The following COL25A1 variants were observed in gnomAD, a reference collection of about 807,000 sequenced individuals.
COL25A1 encodes collagen alpha-1(XXV) chain.
A neutral mutation model predicts 128.4 loss-of-function variants in COL25A1; 103 were observed. The ratio of observed to expected loss-of-function variants is 0.80; its 90% CI spans 0.68 to 0.94. The LOEUF (loss-of-function observed/expected upper bound fraction) is 0.94. COL25A1 is among the 40% of genes least tolerant of loss of function. The pLI is 0.00. For missense variants in COL25A1, 745 were observed against 840.0 expected (o/e 0.89, Z 1.40); for synonymous variants, 279 against 277.2 (o/e 1.01, Z -0.06).
At position 108,934,339 on chromosome 4, in the gene COL25A1, A is replaced by C. The variant is rs369295462; in HGVS notation, c.708+3469T>G. Among the ~76,000 whole-genome samples, 295 of 69,604 alleles carry C rather than the reference A, an allele frequency of 4.2e-3. 3 individuals carry two copies. Among genetic ancestry groups the C allele is most frequent in the African/African-American group, 0.014 (256 of 17,834 alleles). The allele number at this position is 69,604 out of a possible 152,430, so 45.7% of individuals were successfully genotyped here. On this transcript the variant is annotated intron_variant, in intron 11 of 37. Transcript: ENST00000399132. ...TCATACACCGGGGCCTGTTGGGGGG[A>C]TGGGGGGCTGGGGGAGGGATAGCAT...
chr4:108,946,221 C>T (rs1748737102), intron 8 of COL25A1, among the ~76,000 whole-genome samples: 1 of 152,110 alleles, frequency 6.6e-6, no homozygotes, highest in Non-Finnish European at 1.5e-5. Flanking sequence ...TGCAAGCCTA[C>T]CCCAAAGGGA....
chr4:109,115,876 A>C (rs143649727), intron 3 of COL25A1, among the ~76,000 whole-genome samples: 8 of 152,136 alleles, frequency 5.3e-5, no homozygotes, highest in African/African-American at 1.9e-4. Context: ...ACTGCACATG[A>C]AACACCCCCT....
chr4:108,886,492 G>GTGTGTGTGTTTTTT lies in COL25A1; in HGVS notation c.976-2271_976-2270insAAAAAACACACACA, dbSNP rs58157157. Among the ~76,000 whole-genome samples, 990 of 109,238 alleles carry GTGTGTGTGTTTTTT rather than the reference G, an allele frequency of 9.1e-3. 49 individuals carry two copies. Among genetic ancestry groups the GTGTGTGTGTTTTTT allele is most frequent in the Admixed American group, 0.046 (508 of 11,106 alleles). 71.7% of individuals were successfully genotyped at this position (109,238 alleles called of 152,430 possible). A position where few individuals can be genotyped will look rare whatever the true frequency, so the allele number is the denominator to read the frequency against. On this transcript the variant is annotated intron_variant, in intron 18 of 37. Coordinates refer to ENST00000399132, the MANE Select transcript of COL25A1 (RefSeq NM_198721.4). ...TGTGTGTGTGTGTGTGTGTGTGTGT[G>GTGTGTGTGTTTTTT]TTTAGCTCATCAGCTATTTTATGTG...
At chr4:108,846,854 G>A (rs1735169093) in intron 27 of COL25A1, among the ~76,000 whole-genome samples, 1 of 151,730 alleles carries the variant, frequency 6.6e-6, no homozygotes, top group Non-Finnish European at 1.5e-5. Context: ...CCTTTACAGT[G>A]AGGAAATAGA....
chr4:108,829,431 CT>C (rs1732815274), intron 32 of COL25A1, among the ~76,000 whole-genome samples: 1 of 150,240 alleles, frequency 6.7e-6, no homozygotes, highest in African/African-American at 2.5e-5. Flanking sequence ...ATCTATCTAT[CT>C]ATCATCTATC....
intron 3 of COL25A1, among the ~76,000 whole-genome samples, chr4:109,244,106 T>C (rs1780093316): frequency 1.3e-5 from 2 of 151,060 alleles, no homozygotes; most frequent in Admixed American, 1.3e-4. Context: ...GTCCTCTTTA[T>C]CTATCCCGGA....
chr4:109,074,653 C>T lies in COL25A1; in HGVS notation c.368-24474G>A, dbSNP rs140816704. ...TAAGTAATGAAATTAACATACTATC[C>T]GAAGGGAGTTCTGTGTATTATTCTC... is the stretch of plus-strand genomic sequence containing the variant. On this transcript the variant is annotated intron_variant, in intron 3 of 37. Coordinates refer to ENST00000399132, the MANE Select transcript of COL25A1 (RefSeq NM_198721.4). Among the ~76,000 whole-genome samples, 814 of 152,028 alleles carry T rather than the reference C, an allele frequency of 5.4e-3. 9 individuals carry two copies. Among genetic ancestry groups the T allele is most frequent in the Middle Eastern group, 0.027 (8 of 294 alleles).
intron 5 of COL25A1, among the ~76,000 whole-genome samples, chr4:109,013,365 A>AAAAATGAACCAGTCAGCTCTCTGT (rs1756854697): frequency 6.7e-6 from 1 of 148,206 alleles, no homozygotes; most frequent in African/African-American, 2.6e-5. Flanking sequence ...GCACCCTGTC[A>AAAAATGAACCAGTCAGCTCTCTGT]AAAATGGACC....
At chr4:108,919,040 A>G (rs1212889355) in intron 12 of COL25A1, among the ~76,000 whole-genome samples, 1 of 152,212 alleles carries the variant, frequency 6.6e-6, no homozygotes, top group East Asian at 1.9e-4. Flanking sequence ...CTCTGGAGAA[A>G]CCATTTTAAA....
intron 3 of COL25A1, among the ~76,000 whole-genome samples, chr4:109,181,698 T>G (rs1253421233): frequency 6.6e-6 from 1 of 152,158 alleles, no homozygotes; most frequent in Non-Finnish European, 1.5e-5. Flanking sequence ...ACATACTTAT[T>G]TTGCTTTGAT....
At chr4:108,889,803 G>T in intron 16 of COL25A1, 70 bp from the exon 17 acceptor site, 1 of 1,384,630 alleles carries the variant, frequency 7.2e-7, no homozygotes, top group Non-Finnish European at 1.0e-6. Flanking sequence ...CACTCAGAGA[G>T]CCATCACCAA....
intron 3 of COL25A1, among the ~76,000 whole-genome samples, chr4:109,243,580 A>C (rs1780050587): frequency 6.6e-6 from 1 of 152,100 alleles, no homozygotes; most frequent in African/African-American, 2.4e-5. Flanking sequence ...TGAAGGGAAG[A>C]CTGATGAGTG....
At position 108,844,543 on chromosome 4, in the gene COL25A1, ACCTGGTGGG is replaced by A. The variant is rs1419509423; in HGVS notation, c.1596_1604del (p.Pro534_Pro536del). The A allele has an allele frequency of 9.3e-6, 15 of 1,613,716 alleles. No homozygotes were observed. The highest frequency in any genetic ancestry group is 1.2e-5 in the Non-Finnish European group (14 of 1,179,800). On this transcript the variant is annotated inframe_deletion, in exon 30 of 38. Coordinates refer to ENST00000399132, the MANE Select transcript of COL25A1 (RefSeq NM_198721.4). Reference sequence around the variant, plus strand: ...CCATGGGGCCAGGTGGGCCATGGGGACCTGGTGGGCCTGGTGGGCCTATGATCTGTATGT... The same window carrying A: ...CCATGGGGCCAGGTGGGCCATGGGGACCTGGTGGGCCTATGATCTGTATGT...
chr4:109,045,048 T>G (rs889639818), intron 5 of COL25A1, among the ~76,000 whole-genome samples: 1 of 152,176 alleles, frequency 6.6e-6, no homozygotes, highest in African/African-American at 2.4e-5. Flanking sequence ...AATGTGAACA[T>G]GGTGAGGATG....
chr4:109,116,209 G>A (rs1202878082), intron 3 of COL25A1, among the ~76,000 whole-genome samples: 1 of 152,070 alleles, frequency 6.6e-6, no homozygotes, highest in East Asian at 1.9e-4. Flanking sequence ...TCTGCCAGGG[G>A]CTCGCAGTGA....
In COL25A1 at chr4:108,817,417, T is replaced by C. The variant is rs770553816; in HGVS notation, c.1942A>G (p.Met648Val). 3.1e-6 allele frequency: 5 copies of C among 1,613,464 alleles called. No individual in the cohort carries two copies. The highest frequency in any genetic ancestry group is 4.2e-6 in the Non-Finnish European group (5 of 1,179,504). Residue 648 changes from methionine to valine, a missense_variant, in exon 37 of 38, where the codon ATG (methionine) becomes GTG (valine). Transcript: ENST00000399132. The stretch of plus-strand genomic sequence containing the variant: ...CCTACCTTTTGCCAACAGCCAGGCA[T>C]GGGTAAGCCATCTGGCCCCTGTTTT... The part of the protein sequence containing the change: ...PCQLGPDGLP[M>V]PGCWQK
At chr4:108,964,109 TAATA>T (rs1195760614) in intron 8 of COL25A1, among the ~76,000 whole-genome samples, 5 of 149,854 alleles carry the variant, frequency 3.3e-5, no homozygotes, top group Admixed American at 6.7e-5. Flanking sequence ...ATTAATAAAT[TAATA>T]AATAGTAAAT....
At chr4:109,141,006 T>C (rs1475932390) in intron 3 of COL25A1, among the ~76,000 whole-genome samples, 2 of 152,192 alleles carry the variant, frequency 1.3e-5, no homozygotes, top group Non-Finnish European at 2.9e-5. Flanking sequence ...ATCCTTATCT[T>C]GTGCCAGTTT....
chr4:109,239,923 A>G (rs1241443430), intron 3 of COL25A1, among the ~76,000 whole-genome samples: 7 of 152,012 alleles, frequency 4.6e-5, no homozygotes, highest in African/African-American at 1.4e-4. Context: ...ACTAAAACAC[A>G]AACACACACT....
Sources: allele counts gnomAD v4.1 joint callset (sites outside exome capture counted in the v4.1 genomes callset), GRCh38; gene constraint gnomAD v4.1.1; transcripts MANE v1.5; gene names NCBI Gene and HGNC (gene_info 2026-07-23, HGNC 2026-07-21).